FAT3: variants seen among roughly 807,000 people sequenced by gnomAD.
The protein encoded by FAT3 is FAT atypical cadherin 3, also known as protocadherin Fat 3.
FAT3 carries 95 observed loss-of-function variants against 310.2 expected under a neutral mutation model. The observed-to-expected ratio is 0.31, with a 90% CI of 0.26 to 0.36. FAT3 has a LOEUF of 0.36. Among genes scored for constraint, FAT3 ranks in the 10% least tolerant of loss-of-function variants. FAT3 has a pLI of 1.00. For synonymous variants in FAT3, 2,314 were observed against 2,192.9 expected, an observed-to-expected ratio of 1.06 and a Z score of -1.54; for missense variants, 5,408 against 5,715.6, an observed-to-expected ratio of 0.95 and a Z score of 1.74.
At chr11:92,569,618 C>G (rs953408163) in intron 3 of FAT3, among the ~76,000 whole-genome samples, 1 of 152,168 alleles carries the variant, frequency 6.6e-6, no homozygotes, top group Non-Finnish European at 1.5e-5. Flanking sequence ...AACACTGGCA[C>G]TCATGTAATT....
chr11:92,685,848 C>T (rs1245474566), intron 3 of FAT3, among the ~76,000 whole-genome samples: 1 of 152,116 alleles, frequency 6.6e-6, no homozygotes, highest in Admixed American at 6.6e-5. Flanking sequence ...ATGAAGTCCC[C>T]TGCTAAAGAG....
chr11:92,773,172 A>T (rs1215396426), intron 6 of FAT3, among the ~76,000 whole-genome samples: 2 of 152,196 alleles, frequency 1.3e-5, no homozygotes, highest in Admixed American at 6.5e-5. Context: ...TTTTGGGAAG[A>T]TCATAAACCA....
chr11:92,770,021 C>T (rs562902604), intron 6 of FAT3, among the ~76,000 whole-genome samples: 4 of 152,282 alleles, frequency 2.6e-5, no homozygotes, highest in African/African-American at 7.2e-5. Flanking sequence ...ATTTCTCTAG[C>T]GAAAGACTCT....
At chr11:92,728,670 A>G (rs1326660818) in intron 4 of FAT3, among the ~76,000 whole-genome samples, 2 of 152,174 alleles carry the variant, frequency 1.3e-5, no homozygotes, top group East Asian at 3.8e-4. Context: ...ATCAATGTCA[A>G]TTTCACTCAC....
At chr11:92,464,751 T>C (rs557886198) in intron 2 of FAT3, among the ~76,000 whole-genome samples, 5 of 152,350 alleles carry the variant, frequency 3.3e-5, no homozygotes, top group African/African-American at 1.2e-4. Flanking sequence ...AGCTTTCATT[T>C]AAGCCCAGTG....
intron 1 of FAT3, among the ~76,000 whole-genome samples, chr11:92,299,552 A>G (rs1193230179): frequency 1.3e-5 from 2 of 152,238 alleles, no homozygotes; most frequent in East Asian, 1.9e-4. Context: ...CAATAAATAC[A>G]TATGAATTGA....
chr11:92,807,719 A>G (rs1947544697), intron 12 of FAT3, among the ~76,000 whole-genome samples: 1 of 152,292 alleles, frequency 6.6e-6, no homozygotes, highest in African/African-American at 2.4e-5. Flanking sequence ...AGTTTCTCCA[A>G]ACCTATAAGC....
intron 2 of FAT3, among the ~76,000 whole-genome samples, chr11:92,379,102 T>C (rs1389639247): frequency 6.6e-6 from 1 of 152,192 alleles, no homozygotes; most frequent in African/African-American, 2.4e-5. Context: ...TCTCTCCATA[T>C]GCTTTCTGTA....
Position 92,801,952 on chromosome 11 carries a change from A to G in FAT3, c.8896+43A>G, listed in dbSNP as rs770066200. On this transcript the variant is annotated intron_variant, in intron 10 of 27. Coordinates refer to ENST00000525166, the MANE Select transcript of FAT3 (RefSeq NM_001367949.2). ...GTTTTCATTATGTGCACTGCTTTAT[A>G]AAGAAAGATGGAAGATGGCGGGGAG... 11 of 1,549,346 alleles carry G rather than the reference A, an allele frequency of 7.1e-6. No homozygotes were observed. The African/African-American group carries it at 9.5e-5, about 13-fold the overall frequency.
chr11:92,409,427 C>T (rs747792216), intron 2 of FAT3, among the ~76,000 whole-genome samples: 15 of 152,268 alleles, frequency 9.9e-5, no homozygotes, highest in African/African-American at 1.7e-4. Flanking sequence ...TCGTTAAATA[C>T]GCTGCTTGTG....
At chr11:92,465,445 C>T (rs921759942) in intron 2 of FAT3, among the ~76,000 whole-genome samples, 2 of 152,170 alleles carry the variant, frequency 1.3e-5, no homozygotes, top group African/African-American at 4.8e-5. Context: ...GTTCCTGTTT[C>T]TCCACATCCT....
chr11:92,228,693 G>C (rs1454886839), intron 1 of FAT3, among the ~76,000 whole-genome samples: 1 of 152,190 alleles, frequency 6.6e-6, no homozygotes, highest in Non-Finnish European at 1.5e-5. Context: ...TATATTAATA[G>C]CTCACAAAGC....
At chr11:92,885,218 G>A (rs545299138) in intron 24 of FAT3, among the ~76,000 whole-genome samples, 1 of 152,304 alleles carries the variant, frequency 6.6e-6, no homozygotes, top group South Asian at 2.1e-4. Context: ...CAGGGCAGCA[G>A]GTGAATGTGA....
At chr11:92,668,708 G>A (rs1339360775) in intron 3 of FAT3, among the ~76,000 whole-genome samples, 1 of 152,224 alleles carries the variant, frequency 6.6e-6, no homozygotes, top group Non-Finnish European at 1.5e-5. Flanking sequence ...CACCATGGAT[G>A]ACATAATTTA....
chr11:92,310,575 T>C (rs1208261860), intron 1 of FAT3, among the ~76,000 whole-genome samples: 2 of 152,110 alleles, frequency 1.3e-5, no homozygotes, highest in Admixed American at 1.3e-4. Context: ...TTTTGTTACA[T>C]GGATATAATG....
intron 3 of FAT3, among the ~76,000 whole-genome samples, chr11:92,555,996 T>C (rs900479820): frequency 1.3e-5 from 2 of 152,166 alleles, no homozygotes; most frequent in African/African-American, 2.4e-5. Flanking sequence ...CTGATAATAG[T>C]ACTGTTTATT....
At chr11:92,876,491 C>G (rs1395945560) in intron 22 of FAT3, among the ~76,000 whole-genome samples, 2 of 152,230 alleles carry the variant, frequency 1.3e-5, no homozygotes, top group Non-Finnish European at 2.9e-5. Context: ...GTAGACATAG[C>G]TGGCATCAAC....
At chr11:92,819,311 A>C (rs529972845) in intron 13 of FAT3, among the ~76,000 whole-genome samples, 117 of 152,322 alleles carry the variant, frequency 7.7e-4, no homozygotes, top group South Asian at 4.6e-3. Flanking sequence ...TTTCTGAATA[A>C]GACTCTAGAT....
intron 11 of FAT3, among the ~76,000 whole-genome samples, chr11:92,806,057 T>G (rs764062593): frequency 3.2e-4 from 49 of 152,264 alleles, no homozygotes; most frequent in Non-Finnish European, 2.6e-4. Context: ...GTGTGGTGTG[T>G]GTTATGGTTC....
Sources: allele counts gnomAD v4.1 joint callset (sites outside exome capture counted in the v4.1 genomes callset), GRCh38; gene constraint gnomAD v4.1.1; transcripts MANE v1.5; gene names NCBI Gene and HGNC (gene_info 2026-07-23, HGNC 2026-07-21).